BCOR: variants seen among roughly 807,000 people sequenced by gnomAD.
The protein encoded by BCOR is BCL-6 corepressor.
BCOR carries 10 observed loss-of-function variants against 86.7 expected under a neutral mutation model. The ratio of observed to expected loss-of-function variants is 0.12; its 90% CI spans 0.07 to 0.20. BCOR has a LOEUF of 0.20. Ranked by LOEUF, BCOR falls within the 10% of genes least tolerant of loss-of-function variation. BCOR has a pLI of 1.00. For synonymous variants in BCOR, 611 were observed against 609.0 expected (o/e 1.00, Z -0.05); for missense variants, 1,259 against 1,452.1 (o/e 0.87, Z 2.16).
intron 2 of BCOR, 101 bp downstream of exon 2, chrX:40,077,743 T>A: frequency 1.3e-6 from 1 of 778,873 alleles, no homozygotes; most frequent in Non-Finnish European, 1.9e-6. Flanking sequence ...AAGCTCTTTC[T>A]CTCCCACCCC....
chrX:40,160,440 T>C (rs1310725348), intron 1 of BCOR, among the ~76,000 whole-genome samples: 3 of 106,853 alleles, frequency 2.8e-5, no homozygotes, highest in Admixed American at 1.0e-4. Context: ...TTCTTTTTTT[T>C]CTTTGAGATG....
rs539625139 is a variant in BCOR, at chrX:40,146,592, G to T, written c.-41+30415C>A. ...ACCGCCCGCGAGTAACAATGGCAGC[G>T]ATCAGCAGCTCTGCACGCGCTTCAG... On this transcript the variant is annotated intron_variant, in intron 1 of 14. Coordinates refer to the BCOR transcript ENST00000342274. 7 of 112,673 alleles carry T rather than the reference G, an allele frequency of 6.2e-5. No individual in the cohort carries two copies. In the South Asian group the frequency reaches 2.2e-3, roughly 35 times the overall value. The allele number at this position is 112,673 out of a possible 1,213,427, so 9.3% of individuals were successfully genotyped here. A position where few individuals can be genotyped will look rare whatever the true frequency, so the allele number is the denominator to read the frequency against.
chrX:40,086,893 C>T (rs770953220), intron 1 of BCOR, among the ~76,000 whole-genome samples: 1 of 113,381 alleles, frequency 8.8e-6, no homozygotes, highest in African/African-American at 3.2e-5. Context: ...CCCTTCTCCC[C>T]CTACCCCTCC....
upstream of BCOR, among the ~76,000 whole-genome samples, chrX:40,102,067 G>A (rs148767099): frequency 5.3e-4 from 59 of 112,241 alleles, no homozygotes; most frequent in East Asian, 0.016. Flanking sequence ...GTAACAAACA[G>A]GAGGCGCATC....
At chrX:40,103,098 T>G (rs1380413107) in intron 1 of BCOR, among the ~76,000 whole-genome samples, 18 of 88,328 alleles carry the variant, frequency 2.0e-4, no homozygotes, top group African/African-American at 7.7e-4. Flanking sequence ...GTGCGGGGGG[T>G]GGGGTGGGGG....
At chrX:40,170,663 T>A (rs761605284) in intron 1 of BCOR, among the ~76,000 whole-genome samples, 1 of 112,071 alleles carries the variant, frequency 8.9e-6, no homozygotes, top group Non-Finnish European at 1.9e-5. Flanking sequence ...AAAATGTGAT[T>A]TGACCCAATT....
intron 14 of BCOR, among the ~76,000 whole-genome samples, 154 bp from the exon 15 acceptor site, chrX:40,052,554 C>CTTTTT (rs1569138726): frequency 1.1e-5 from 1 of 91,838 alleles, no homozygotes; most frequent in East Asian, 3.7e-4. Flanking sequence ...CTCTGATCAC[C>CTTTTT]ATTTTTTTTT....
chrX:40,139,478 TA>T (rs1158100309), intron 1 of BCOR, among the ~76,000 whole-genome samples: 1 of 12,062 alleles, frequency 8.3e-5, no homozygotes, highest in Non-Finnish European at 1.2e-4. Context: ...TATATATATA[TA>T]TATATATATA....
In BCOR at chrX:40,167,839, G is replaced by A. The variant is rs555934793; in HGVS notation, c.-41+9168C>T. On this transcript the variant is annotated intron_variant, in intron 1 of 14. Coordinates refer to the BCOR transcript ENST00000342274. ...CCTTTGCGAAAGGCAATTAAAATAT[G>A]GTAATGATCGATGGGCTCGCCTGTT... 3.5e-5 allele frequency among the ~76,000 whole-genome samples: 4 copies of A among 113,174 alleles called. No individual in the cohort carries two copies. In the South Asian group the frequency reaches 1.4e-3, roughly 41 times the overall value.
At chrX:40,078,003 T>C (rs1340680262) in intron 1 of BCOR, 34 bp from the exon 2 acceptor site, 1 of 927,989 alleles carries the variant, frequency 1.1e-6, no homozygotes, top group African/African-American at 1.9e-5. Flanking sequence ...TCCCAGGAGG[T>C]TCAGTAAAGG....
chrX:40,085,201 AT>A (rs1325739494), intron 1 of BCOR, among the ~76,000 whole-genome samples: 1 of 112,861 alleles, frequency 8.9e-6, no homozygotes, highest in Non-Finnish European at 1.9e-5. Flanking sequence ...TGACTAATAC[AT>A]TGCATATCGT....
chrX:40,085,023 G>A (rs1487287962), intron 1 of BCOR, among the ~76,000 whole-genome samples: 2 of 111,376 alleles, frequency 1.8e-5, no homozygotes, highest in Admixed American at 9.5e-5. Context: ...CTATGGTATA[G>A]ATGGGGGCCC....
At chrX:40,095,596 G>T (rs1936821270) in intron 1 of BCOR, among the ~76,000 whole-genome samples, 1 of 112,088 alleles carries the variant, frequency 8.9e-6, no homozygotes, top group Non-Finnish European at 1.9e-5. Flanking sequence ...AAAAAGGGGG[G>T]GAAAACACAG....
At chrX:40,160,472 G>C (rs1369658378) in intron 1 of BCOR, among the ~76,000 whole-genome samples, 2 of 101,844 alleles carry the variant, frequency 2.0e-5, no homozygotes, top group African/African-American at 7.4e-5. Context: ...TGTCACCCAG[G>C]CTGGGCTGGA....
intron 1 of BCOR, among the ~76,000 whole-genome samples, chrX:40,141,674 G>C (rs1019934005): frequency 9.0e-6 from 1 of 110,711 alleles, no homozygotes; most frequent in Admixed American, 9.6e-5. Flanking sequence ...CAGGGCAAGA[G>C]AGAGAGCTGT....
intron 5 of BCOR, 66 bp downstream of exon 5, chrX:40,071,571 T>C: frequency 3.6e-6 from 3 of 837,531 alleles, no homozygotes; most frequent in Non-Finnish European, 3.6e-6. Flanking sequence ...CTTTGTATAT[T>C]TGGAAATGAA....
At position 40,071,178 on chromosome X, in the gene BCOR, TG is replaced by T. The variant is rs762394556; in HGVS notation, c.3052-20del. ...TTGCACGCTAGAAAGAGAACGGAGATGGAAAAAAAAAAAAACAACACCTTAC... is the reference window on the plus strand; with the variant it reads ...TTGCACGCTAGAAAGAGAACGGAGATGAAAAAAAAAAAAACAACACCTTAC... On this transcript the variant is annotated intron_variant, in intron 5 of 14. Transcript: ENST00000378444. 3.6e-6 allele frequency: 4 copies of T among 1,118,966 alleles called. No homozygotes were observed. The highest frequency in any genetic ancestry group is 4.8e-6 in the Non-Finnish European group (4 of 837,866). 92.2% of individuals were successfully genotyped at this position (1,118,966 alleles called of 1,213,427 possible).
intron 1 of BCOR, among the ~76,000 whole-genome samples, chrX:40,170,375 G>T (rs182541365): frequency 1.5e-4 from 16 of 108,529 alleles, no homozygotes; most frequent in African/African-American, 5.0e-4. Flanking sequence ...TTTTGAGACG[G>T]AGTTTCGCTC....
At chrX:40,135,889 A>G (rs1046320444) in intron 1 of BCOR, among the ~76,000 whole-genome samples, 1 of 112,020 alleles carries the variant, frequency 8.9e-6, no homozygotes, top group African/African-American at 3.3e-5. Flanking sequence ...ATCATTTGAT[A>G]TATGTGTTTG....
Sources: allele counts gnomAD v4.1 joint callset (sites outside exome capture counted in the v4.1 genomes callset), GRCh38; gene constraint gnomAD v4.1.1; transcripts MANE v1.5; gene names NCBI Gene and HGNC (gene_info 2026-07-23, HGNC 2026-07-21).